MYH9: variants seen among roughly 807,000 people sequenced by gnomAD.
The protein encoded by MYH9 is myosin-9.
Under a neutral mutation model 241.9 loss-of-function variants are expected in MYH9, and 29 were observed. That is an observed-to-expected ratio of 0.12 (90% confidence interval 0.09 to 0.16). The LOEUF (loss-of-function observed/expected upper bound fraction) is 0.16, where lower values mean the gene tolerates loss of function less well. MYH9 is among the 10% of genes least tolerant of loss of function. The pLI, the probability that MYH9 is intolerant of heterozygous loss-of-function variation, is 1.00. For synonymous variants in MYH9, 1,047 were observed against 1,062.6 expected (o/e 0.99, Z 0.29); for missense variants, 1,803 against 2,595.5 (o/e 0.69, Z 6.63).
At chr22:36,346,864 C>G (rs1046412000) in intron 2 of MYH9, among the ~76,000 whole-genome samples, 30 of 152,136 alleles carry the variant, frequency 2.0e-4, no homozygotes, top group African/African-American at 7.2e-4. Flanking sequence ...TCTTGGCCTC[C>G]CAAGGTCCTG....
rs557312136 is a variant in MYH9 at position 36,330,251 on chromosome 22, T to A, written c.491-2763A>T. Among the ~76,000 whole-genome samples the A allele has an allele frequency of 1.3e-5, 2 of 152,362 alleles. No individual in the cohort carries two copies. The highest frequency in any genetic ancestry group is 1.3e-4 in the Admixed American group (2 of 15,306). Reference sequence around the variant, plus strand: ...GGATTTGTTCTGCCAGGAACATTCATCTGGACAAATGCTTTCTGAAAGGCA... The same window carrying A: ...GGATTTGTTCTGCCAGGAACATTCAACTGGACAAATGCTTTCTGAAAGGCA... On this transcript the variant is annotated intron_variant, in intron 3 of 40. Coordinates refer to ENST00000216181, the MANE Select transcript of MYH9 (RefSeq NM_002473.6). This position sits in a 1 kb window ranked among gnomAD's most constrained non-coding sequence, Gnocchi z 4.5.
Position 36,285,206 on chromosome 22 carries a change from T to C in MYH9, c.5398A>G (p.Thr1800Ala). ...GAGGCCTTGTACTTGGACTTGACAG[T>C]GCCCTCCATCTCCTGCAGCTTGACC... ...LKVKLQEMEG[T>A]VKSKYKASIT... The change falls in exon 38 of 41, where the codon ACT becomes GCT. Residue 1800 changes from threonine (T) to alanine (A), a missense_variant. Thr to Ala is a moderately conservative substitution (Grantham distance 58). Coordinates refer to ENST00000216181, the MANE Select transcript of MYH9 (RefSeq NM_002473.6). This position sits in a 1 kb window ranked among gnomAD's most constrained non-coding sequence, Gnocchi z 7.0. 2 of 1,614,172 alleles carry C rather than the reference T, an allele frequency of 1.2e-6. No homozygotes were observed. Among genetic ancestry groups the C allele is most frequent in the East Asian group, 2.2e-5 (1 of 44,872 alleles).
Position 36,292,071 on chromosome 22 carries a change from T to C in MYH9, c.4259A>G (p.Gln1420Arg), listed in dbSNP as rs1182960625. 1 of 1,614,084 alleles carries C rather than the reference T, an allele frequency of 6.2e-7. No individual in the cohort carries two copies. The highest frequency in any genetic ancestry group is 8.5e-7 in the Non-Finnish European group (1 of 1,180,052). ...GTCCACCAGCAGGTCGTCCAGCTCC[T>C]GCTGCAGCCGCGTCTTGGTCTTCTC... ...KLEKTKTRLQ[Q>R]ELDDLLVDLD... Residue 1420 changes from glutamine to arginine, a missense_variant, in exon 31 of 41, where the codon CAG becomes CGG. Around this residue, in one of 11 missense-constraint regions of MYH9, gnomAD observed 876 missense variants for 1,077.8 expected, o/e 0.81. Transcript: ENST00000216181.
At position 36,292,176 on chromosome 22, in the gene MYH9, T is replaced by C. The variant is rs750534869; in HGVS notation, c.4154A>G (p.Glu1385Gly). ...GTCCTTCTGGAGCTTCCTCTTCACC[T>C]CCTCAGCAGTTTCCAGGCACCCCAC... ...DSVGCLETAE[E>G]VKRKLQKDLE... is the part of the protein sequence containing the mutation. The change falls in exon 31 of 41, where the codon GAG becomes GGG. Residue 1385 changes from glutamate to glycine, a missense_variant. Coordinates refer to ENST00000216181, the MANE Select transcript of MYH9 (RefSeq NM_002473.6). 1.2e-6 allele frequency: 2 copies of C among 1,613,978 alleles called. No homozygotes were observed.
Position 36,306,276 on chromosome 22 carries a change from G to T in MYH9, c.2037+138C>A. On this transcript the variant is annotated intron_variant, in intron 16 of 40. Coordinates refer to ENST00000216181, the MANE Select transcript of MYH9 (RefSeq NM_002473.6). This position sits in a 1 kb window ranked among gnomAD's most constrained non-coding sequence, Gnocchi z 4.1. ...TAGCGTATCTCCTAAGCGAGCCAAG[G>T]CCCACCCTGCAGAGAAACGACTGAA... 1.5e-6 allele frequency: 2 copies of T among 1,308,494 alleles called. No individual in the cohort carries two copies. The highest frequency in any genetic ancestry group is 1.1e-6 in the Non-Finnish European group (1 of 935,634). 81.1% of individuals were successfully genotyped at this position (1,308,494 alleles called of 1,614,324 possible).
At position 36,286,769 on chromosome 22, in the gene MYH9, C is replaced by T. The variant is rs76069100; in HGVS notation, c.5010G>A (p.Glu1670=). 1.4e-4 allele frequency: 225 copies of T among 1,613,240 alleles called. 1 individual carries two copies. The African/African-American group carries it at 2.8e-3, about 20-fold the overall frequency. Residue 1670 remains glutamate, a synonymous_variant, in exon 35 of 41, where the codon GAG becomes GAA. Transcript: ENST00000216181. ...SREEILAQAK[E]NEKKLKSMEA... ...CCATGCTCTTCAGCTTCTTCTCGTT[C>T]TCTTTGGCCTGGGCCAGGATCTCCT...
At position 36,294,226 on chromosome 22, in the gene MYH9, C is replaced by T; in HGVS notation, c.3703G>A (p.Val1235Met). 6.2e-7 allele frequency: 1 copy of T among 1,614,146 alleles called. No individual in the cohort carries two copies. Among genetic ancestry groups the T allele is most frequent in the South Asian group, 1.1e-5 (1 of 91,086 alleles). ...ERGELANEVK[V>M]LLQGKGDSEH... ...GAGTCCCCTTTGCCCTGCAGCAGCA[C>T]CTTCACCTCGTTGGCCAGCTCCCCC... Residue 1235 changes from valine (V) to methionine (M), a missense_variant, in exon 28 of 41, where the codon GTG becomes ATG. Val to Met is a conservative substitution (Grantham distance 21, BLOSUM62 1). Coordinates refer to ENST00000216181, the MANE Select transcript of MYH9 (RefSeq NM_002473.6).
chr22:36,365,242 G>C (rs993400971), intron 1 of MYH9: 3 of 152,120 alleles, frequency 2.0e-5, no homozygotes, highest in Non-Finnish European at 2.9e-5. Context: ...AACCCAACTC[G>C]ACATGATTTA....
chr22:36,305,880 C>T lies in MYH9; in HGVS notation c.2159+50G>A, dbSNP rs775264597. The T allele has an allele frequency of 1.2e-6, 2 of 1,610,914 alleles. No individual in the cohort carries two copies. Among genetic ancestry groups the T allele is most frequent in the African/African-American group, 2.7e-5 (2 of 74,892 alleles). ...AGCAGCAGCCCACCTCTGGGACTCA[C>T]TGCACGCACAGCAGGGCCCAGGAGA... is the stretch of plus-strand genomic sequence containing the variant. On this transcript the variant is annotated intron_variant, in intron 17 of 40. Coordinates refer to ENST00000216181, the MANE Select transcript of MYH9 (RefSeq NM_002473.6). This position sits in a 1 kb window ranked among gnomAD's most constrained non-coding sequence, Gnocchi z 4.7.
At chr22:36,319,791 C>T (rs186874308) in intron 9 of MYH9, 156 bp from the exon 10 acceptor site, 55 of 773,158 alleles carry the variant, frequency 7.1e-5, no homozygotes, top group African/African-American at 1.6e-4. Flanking sequence ...CTGCGTCTAA[C>T]GGTGTGCGGT....
At chr22:36,302,137 A>G (rs1298118499) in intron 20 of MYH9, among the ~76,000 whole-genome samples, 4 of 152,230 alleles carry the variant, frequency 2.6e-5, no homozygotes, top group Non-Finnish European at 5.9e-5. Context: ...GCGAGAAATT[A>G]AACACTAAAA....
At chr22:36,380,916 G>A (rs2018246997) in intron 1 of MYH9, among the ~76,000 whole-genome samples, 1 of 152,080 alleles carries the variant, frequency 6.6e-6, no homozygotes, top group South Asian at 2.1e-4. Context: ...ACACATGCAG[G>A]CTTTCTCTTC....
chr22:36,377,860 G>A (rs868555013), intron 1 of MYH9, among the ~76,000 whole-genome samples: 44 of 152,260 alleles, frequency 2.9e-4, no homozygotes, highest in Middle Eastern at 6.8e-3. Flanking sequence ...GCAATGAGCC[G>A]AGATGGTGCC....
At chr22:36,338,982 T>C (rs2017542976) in intron 3 of MYH9, among the ~76,000 whole-genome samples, 1 of 152,244 alleles carries the variant, frequency 6.6e-6, no homozygotes, top group Non-Finnish European at 1.5e-5. Flanking sequence ...CCATTCGGTA[T>C]GGCCAAGAAA....
chr22:36,355,256 T>A (rs1350332449), intron 1 of MYH9, among the ~76,000 whole-genome samples: 1 of 152,104 alleles, frequency 6.6e-6, no homozygotes, highest in East Asian at 1.9e-4. Context: ...TCTCAGGAAA[T>A]GATGAAACTG....
At chr22:36,301,422 A>G in intron 21 of MYH9, 112 bp downstream of exon 21, 1 of 1,435,276 alleles carries the variant, frequency 7.0e-7, no homozygotes, top group Non-Finnish European at 9.7e-7. Context: ...ACTCAGTTGT[A>G]GAAAACTCCT....
In MYH9 at chr22:36,320,647, G is replaced by C; in HGVS notation, c.868+151C>G. 1.3e-6 allele frequency: 1 copy of C among 748,794 alleles called. No homozygotes were observed. Among genetic ancestry groups the C allele is most frequent in the South Asian group, 1.6e-5 (1 of 63,934 alleles). 46.4% of individuals were successfully genotyped at this position (748,794 alleles called of 1,614,324 possible). A position where few individuals can be genotyped will look rare whatever the true frequency, so the allele number is the denominator to read the frequency against. ...TCAGAAACAGAAGACCAAGTCCTTA[G>C]GATGGCGCAGAGAACAGGAGTCACT... On this transcript the variant is annotated intron_variant, in intron 8 of 40. Transcript: ENST00000216181. The surrounding 1 kb of genome is among the most constrained non-coding windows in gnomAD (Gnocchi z 4.8).
At chr22:36,373,081 C>T (rs2018113285) in intron 1 of MYH9, among the ~76,000 whole-genome samples, 1 of 152,206 alleles carries the variant, frequency 6.6e-6, no homozygotes, top group African/African-American at 2.4e-5. Context: ...TCAAAAGTAG[C>T]CACTAGGATT....
chr22:36,336,058 A>G (rs560001837), intron 3 of MYH9, among the ~76,000 whole-genome samples: 1 of 152,296 alleles, frequency 6.6e-6, no homozygotes, highest in East Asian at 1.9e-4. Flanking sequence ...GTGGGAAGGG[A>G]GACTGGCACA....
Sources: gnomAD v4.1 joint callset for allele counts (sites outside exome capture counted in the v4.1 genomes callset) on GRCh38, gnomAD v4.1.1 for gene constraint, gnomAD v4.1.1 regional missense constraint, Gnocchi (gnomAD v3.1) non-coding constraint, MANE v1.5 for transcripts, NCBI Gene and HGNC (gene_info 2026-07-23, HGNC 2026-07-21) for gene names.